The following BDH1 variants were observed in gnomAD, a reference collection of about 807,000 sequenced individuals.
The protein encoded by BDH1 is D-beta-hydroxybutyrate dehydrogenase, mitochondrial.
In BDH1, 30 loss-of-function variants were observed where a neutral mutation model predicts 33.1. The ratio of observed to expected loss-of-function variants is 0.91; its 90% CI spans 0.68 to 1.23. The LOEUF is 1.23. Ranked by LOEUF, BDH1 falls within the 50% of genes most tolerant of loss-of-function variation. The pLI is 0.00. For missense variants in BDH1, 443 were observed against 464.4 expected (o/e 0.95, Z 0.42); for synonymous variants, 190 against 183.6 (o/e 1.03, Z -0.28).
intron 6 of BDH1, among the ~76,000 whole-genome samples, chr3:197,518,622 C>CT (rs60834051): frequency 1.7e-4 from 2 of 12,090 alleles, no homozygotes; most frequent in African/African-American, 3.0e-4. Context: ...TGGTCTCCAT[C>CT]CCCCCTCAGG....
upstream of BDH1, among the ~76,000 whole-genome samples, chr3:197,559,341 CTCAT>C (rs1717187883): frequency 6.6e-6 from 1 of 152,164 alleles, no homozygotes; most frequent in African/African-American, 2.4e-5. Flanking sequence ...GAAATTGGAA[CTCAT>C]TCATTATGTG....
In BDH1 at chr3:197,543,058, A is replaced by G. The variant is rs111767238; in HGVS notation, c.83+3303T>C. The G allele has an allele frequency of 8.1e-3, 7,954 of 985,352 alleles. 448 individuals are homozygous for G. In the African/African-American group the frequency reaches 0.13, roughly 16 times the overall value. 61.0% of individuals were successfully genotyped at this position (985,352 alleles called of 1,614,324 possible). On this transcript the variant is annotated intron_variant, in intron 3 of 7. Coordinates refer to ENST00000392379, the MANE Select transcript of BDH1 (RefSeq NM_203314.3). ...GGGCGTTCATTCTGGCTTCTTCTCT[A>G]TCTTACCAGTCTGTGTGTCTGTGCC...
At chr3:197,551,960 T>A (rs1212224698) in intron 2 of BDH1, among the ~76,000 whole-genome samples, 1 of 152,170 alleles carries the variant, frequency 6.6e-6, no homozygotes, top group Non-Finnish European at 1.5e-5. Flanking sequence ...CTGTTCTTGG[T>A]CTGTTCTCCG....
rs1482949685 is a variant in BDH1, at chr3:197,546,183, T to C, written c.83+178A>G. On this transcript the variant is annotated intron_variant, in intron 3 of 7. Coordinates refer to ENST00000392379, the MANE Select transcript of BDH1 (RefSeq NM_203314.3). The stretch of plus-strand genomic sequence containing the variant: ...ATGAAAGATATTCCTTTCTGCCCTG[T>C]GTGCCCTGGGAAAATGTCTTCCCAG... 6.9e-5 allele frequency: 41 copies of C among 592,386 alleles called. 3 individuals carry two copies. The South Asian group carries it at 8.6e-4, about 12-fold the overall frequency. 36.7% of individuals were successfully genotyped at this position (592,386 alleles called of 1,614,324 possible).
chr3:197,542,659 G>T (rs1357269087), intron 3 of BDH1, among the ~76,000 whole-genome samples: 1 of 151,646 alleles, frequency 6.6e-6, no homozygotes, highest in Non-Finnish European at 1.5e-5. Flanking sequence ...AAGTAGCTAG[G>T]ATTACAGGCA....
rs1302198361 is a variant in BDH1, at chr3:197,522,949, G to A, written c.268-168C>T. 2 of 662,992 alleles carry A rather than the reference G, an allele frequency of 3.0e-6. No individual in the cohort carries two copies. The highest frequency in any genetic ancestry group is 5.0e-6 in the Non-Finnish European group (2 of 396,526). 41.1% of individuals were successfully genotyped at this position (662,992 alleles called of 1,614,324 possible). A position where few individuals can be genotyped will look rare whatever the true frequency, so the allele number is the denominator to read the frequency against. On this transcript the variant is annotated intron_variant, in intron 5 of 7. Transcript: ENST00000392379. This position sits in a 1 kb window ranked among gnomAD's most constrained non-coding sequence, Gnocchi z 4.8. ...CCAGCATGCGGTTCTTTTTAATCCT[G>A]AGCACTGATGACCTATCAAGCATCA...
At position 197,509,966 on chromosome 3, in the gene BDH1, TC is replaced by T. The variant is rs141680416; in HGVS notation, c.*1928del. On this transcript the variant is annotated 3_prime_UTR_variant, in exon 8 of 8. Coordinates refer to ENST00000392379, the MANE Select transcript of BDH1 (RefSeq NM_203314.3). ...CTGGAGGGTTTCGGCCCTGCCTGCC[TC>T]CCCCCCTCCTCCTGGGGCAGCTGGG... 0.37 allele frequency: 56,042 copies of T among 151,646 alleles called. 11,698 individuals carry two copies. Among genetic ancestry groups the T allele is most frequent in the East Asian group, 0.75 (3,899 of 5,168 alleles). The allele number at this position is 151,646 out of a possible 1,614,324, so 9.4% of individuals were successfully genotyped here.
At chr3:197,542,521 C>CTTTT (rs71164295) in intron 3 of BDH1, among the ~76,000 whole-genome samples, 2,708 of 106,292 alleles carry the variant, frequency 0.025, 260 homozygotes, top group African/African-American at 0.1. Context: ...TTCTTGCTTG[C>CTTTT]TTTTTTTTTT....
intron 3 of BDH1, among the ~76,000 whole-genome samples, chr3:197,535,540 C>A (rs1715077968): frequency 6.6e-6 from 1 of 152,146 alleles, no homozygotes; most frequent in African/African-American, 2.4e-5. Flanking sequence ...CATCCATGCA[C>A]CACGTGGGAC....
chr3:197,538,647 CG>C (rs1434967203), intron 3 of BDH1: 3 of 222,052 alleles, frequency 1.4e-5, no homozygotes, highest in Non-Finnish European at 2.8e-5. Flanking sequence ...CCACGGCGCC[CG>C]GCCTGCCATT....
At position 197,524,471 on chromosome 3, in the gene BDH1, T is replaced by C. The variant is rs549984058; in HGVS notation, c.268-1690A>G. Among the ~76,000 whole-genome samples, 94 of 152,246 alleles carry C rather than the reference T, an allele frequency of 6.2e-4. 1 individual carries two copies. The highest frequency in any genetic ancestry group is 2.2e-3 in the African/African-American group (90 of 41,564). ...GGAATGGAGAAATCACATCATGCAATTTCAGAGGGCACAGGAGGAAATGGT... is the reference window on the plus strand; with the variant it reads ...GGAATGGAGAAATCACATCATGCAACTTCAGAGGGCACAGGAGGAAATGGT... On this transcript the variant is annotated intron_variant, in intron 5 of 7. Coordinates refer to ENST00000392379, the MANE Select transcript of BDH1 (RefSeq NM_203314.3).
chr3:197,545,744 A>G (rs552674784), intron 3 of BDH1, among the ~76,000 whole-genome samples: 14 of 152,260 alleles, frequency 9.2e-5, no homozygotes, highest in Non-Finnish European at 1.9e-4. Flanking sequence ...AGATGTTAAC[A>G]TTTAGGGAAG....
In BDH1 at chr3:197,523,228, A is replaced by C. The variant is rs1476374544; in HGVS notation, c.268-447T>G. The C allele has an allele frequency of 1.9e-5, 3 of 157,506 alleles. No homozygotes were observed. In the Admixed American group the frequency reaches 1.9e-4, roughly 10 times the overall value. 9.8% of individuals were successfully genotyped at this position (157,506 alleles called of 1,614,324 possible). ...TGGCAACTTACACACATTTAAAAAA[A>C]AAAACAAAAAAACACTGTGAAGGCC... On this transcript the variant is annotated intron_variant, in intron 5 of 7. Coordinates refer to ENST00000392379, the MANE Select transcript of BDH1 (RefSeq NM_203314.3). This position sits in a 1 kb window ranked among gnomAD's most constrained non-coding sequence, Gnocchi z 4.5.
At chr3:197,557,132 C>T (rs1349967991), upstream of BDH1, among the ~76,000 whole-genome samples, 6 of 152,180 alleles carry the variant, frequency 3.9e-5, no homozygotes, top group Non-Finnish European at 7.3e-5. The surrounding 1 kb of genome is among the most constrained non-coding windows in gnomAD (Gnocchi z 4.6). Context: ...TCGAGTTGTC[C>T]CACCTTTCCA....
At chr3:197,517,438 T>A (rs1374852336) in intron 6 of BDH1, among the ~76,000 whole-genome samples, 2 of 58,802 alleles carry the variant, frequency 3.4e-5, no homozygotes, top group South Asian at 2.2e-3. Flanking sequence ...TGCTCTATGG[T>A]CTCCATCCCC....
intron 4 of BDH1, 153 bp downstream of exon 4, chr3:197,533,336 T>C (rs1714866174): frequency 1.3e-6 from 1 of 742,796 alleles, no homozygotes; most frequent in Admixed American, 2.5e-5. Flanking sequence ...TCATTACTGA[T>C]GAGGGGCTTT....
At chr3:197,551,109 A>G (rs1716532222) in intron 2 of BDH1, among the ~76,000 whole-genome samples, 1 of 152,224 alleles carries the variant, frequency 6.6e-6, no homozygotes, top group Non-Finnish European at 1.5e-5. Context: ...GTGCAATTAA[A>G]TGATCATTGA....
Position 197,512,249 on chromosome 3 carries a change from C to T in BDH1, c.678G>A (p.Met226Ile), listed in dbSNP as rs776728556. ...CGCTGACCTTCACGCCCAGGGGGTACATCTCATAGCGCAGGCAGTCCGAGA... is the reference window on the plus strand; with the variant it reads ...CGCTGACCTTCACGCCCAGGGGGTATATCTCATAGCGCAGGCAGTCCGAGA... The part of the protein sequence containing the change: ...EAFSDCLRYE[M>I]YPLGVKVSVV... Residue 226 changes from methionine to isoleucine, a missense_variant, in exon 8 of 8, where the codon ATG becomes ATA. Met to Ile is a conservative substitution (Grantham distance 10). Coordinates refer to ENST00000392379, the MANE Select transcript of BDH1 (RefSeq NM_203314.3). The T allele has an allele frequency of 4.3e-6, 7 of 1,613,364 alleles. No individual in the cohort carries two copies. The highest frequency in any genetic ancestry group is 1.3e-5 in the African/African-American group (1 of 74,916).
Position 197,522,784 on chromosome 3 carries a change from G to A in BDH1, c.268-3C>T, listed in dbSNP as rs772282185. Reference sequence around the variant, plus strand: ...TTGACCCCATCATGGCCTTTGTCCTGGGGAGGAGAGAAGAGCTGCTTCTAC... The same window carrying A: ...TTGACCCCATCATGGCCTTTGTCCTAGGGAGGAGAGAAGAGCTGCTTCTAC... On this transcript the variant is annotated splice_polypyrimidine_tract_variant and splice_region_variant and intron_variant, in intron 5 of 7. Coordinates refer to ENST00000392379, the MANE Select transcript of BDH1 (RefSeq NM_203314.3). The surrounding 1 kb of genome is among the most constrained non-coding windows in gnomAD (Gnocchi z 4.8). The A allele has an allele frequency of 6.2e-7, 1 of 1,613,388 alleles. No homozygotes were observed. Among genetic ancestry groups the A allele is most frequent in the East Asian group, 2.2e-5 (1 of 44,856 alleles).
Sources: allele counts gnomAD v4.1 joint callset (sites outside exome capture counted in the v4.1 genomes callset), GRCh38; gene constraint gnomAD v4.1.1; non-coding constraint Gnocchi (gnomAD v3.1); transcripts MANE v1.5; gene names NCBI Gene and HGNC (gene_info 2026-07-23, HGNC 2026-07-21).